ACSM2A: variants seen among roughly 807,000 people sequenced by gnomAD.
ACSM2A encodes the protein acyl-CoA synthetase medium chain family member 2A, also known as acyl-coenzyme A synthetase ACSM2A, mitochondrial.
Under a neutral mutation model 76.6 loss-of-function variants are expected in ACSM2A, and 72 were observed. The observed-to-expected ratio is 0.94, with a 90% confidence interval of 0.78 to 1.14. ACSM2A has a LOEUF of 1.14. Among genes scored for constraint, ACSM2A ranks in the 50% most tolerant of loss-of-function variants. The pLI is 0.00. For missense variants in ACSM2A, 684 were observed against 708.5 expected (o/e 0.97, Z 0.39); for synonymous variants, 249 against 255.9 (o/e 0.97, Z 0.26).
At chr16:20,473,576 T>C (rs1286313572) in intron 6 of ACSM2A, among the ~76,000 whole-genome samples, 1 of 152,220 alleles carries the variant, frequency 6.6e-6, no homozygotes, top group Admixed American at 6.5e-5. Context: ...TCATTTTTTC[T>C]AGACCTTTTG....
rs1297770211 is a variant in ACSM2A at position 20,481,239 on chromosome 16, A to T, written c.1509+318A>T. 3 of 354,306 alleles carry T rather than the reference A, an allele frequency of 8.5e-6. No individual in the cohort carries two copies. In the East Asian group the frequency reaches 1.7e-4, roughly 20 times the overall value. 21.9% of individuals were successfully genotyped at this position (354,306 alleles called of 1,614,324 possible). A position where few individuals can be genotyped will look rare whatever the true frequency, so the allele number is the denominator to read the frequency against. ...ACTACTGGGTATTTATCCAAAGGAA[A>T]AGAAATCAGCATATCAAGAAGATGT... On this transcript the variant is annotated intron_variant, in intron 12 of 13. Coordinates refer to ENST00000573854, the MANE Select transcript of ACSM2A (RefSeq NM_001308172.2).
chr16:20,474,098 T>A (rs2013580085), intron 6 of ACSM2A: 2 of 444,876 alleles, frequency 4.5e-6, no homozygotes, highest in South Asian at 3.2e-5. Context: ...GTCTTATGTC[T>A]CCCTAAAATG....
intron 1 of ACSM2A, among the ~76,000 whole-genome samples, chr16:20,458,590 T>G (rs1047163499): frequency 6.9e-6 from 1 of 143,964 alleles, no homozygotes; most frequent in South Asian, 2.1e-4. Context: ...ATATAGTATA[T>G]ATATTTTTTA....
intron 13 of ACSM2A, among the ~76,000 whole-genome samples, chr16:20,483,628 GA>G (rs1194594395): frequency 1.3e-5 from 1 of 79,746 alleles, no homozygotes; most frequent in Admixed American, 1.5e-4. Context: ...AGAAAGCCCA[GA>G]AAGACAATCT....
At chr16:20,482,830 T>C in intron 12 of ACSM2A, 1 of 486,300 alleles carries the variant, frequency 2.1e-6, no homozygotes, top group Non-Finnish European at 3.5e-6. Flanking sequence ...GAGTATGAGG[T>C]GAGCCTAGTC....
rs924006718 is a variant in ACSM2A at position 20,468,809 on chromosome 16, G to A, written c.389-703G>A. 2.6e-5 allele frequency among the ~76,000 whole-genome samples: 4 copies of A among 152,174 alleles called. No individual in the cohort carries two copies. The East Asian group carries it at 7.7e-4, about 29-fold the overall frequency. ...TAAGTCTAATGTTTTAAGATAAATT[G>A]TACAGCATGCTAAACACAGCTAATA... is the stretch of plus-strand genomic sequence containing the variant. On this transcript the variant is annotated intron_variant, in intron 3 of 13. Transcript: ENST00000573854.
chr16:20,452,917 C>G (rs74540229), intron 1 of ACSM2A, among the ~76,000 whole-genome samples: 10,395 of 151,658 alleles, frequency 0.069, 177 homozygotes, highest in East Asian at 0.16. Context: ...ATACATCATA[C>G]CTTTGACCAT....
intron 2 of ACSM2A, among the ~76,000 whole-genome samples, chr16:20,462,708 C>A (rs1430719274): frequency 6.6e-6 from 1 of 151,968 alleles, no homozygotes; most frequent in Non-Finnish European, 1.5e-5. Flanking sequence ...GAAATTAGAA[C>A]CCTTATGCAT....
chr16:20,480,065 C>G (rs2013995526), intron 10 of ACSM2A, among the ~76,000 whole-genome samples: 1 of 152,190 alleles, frequency 6.6e-6, no homozygotes. Context: ...CAAGCCTTTT[C>G]ATTGCTTATA....
At chr16:20,470,016 C>A (rs2013287147) in intron 4 of ACSM2A, among the ~76,000 whole-genome samples, 2 of 151,520 alleles carry the variant, frequency 1.3e-5, no homozygotes. Flanking sequence ...AGCATCTGGT[C>A]CCCACAGGTT....
At position 20,477,196 on chromosome 16, in the gene ACSM2A, A is replaced by T; in HGVS notation, c.1099-173A>T. ...GAACTAACAATTTAGCGAAGCCCCT[A>T]GGATTGTGGTTCCAGTAATGGGGAG... On this transcript the variant is annotated intron_variant, in intron 8 of 13. Transcript: ENST00000573854. The T allele has an allele frequency of 1.6e-6, 2 of 1,223,974 alleles. 1 individual carries two copies. Among genetic ancestry groups the T allele is most frequent in the Non-Finnish European group, 2.2e-6 (2 of 924,712 alleles). 75.8% of individuals were successfully genotyped at this position (1,223,974 alleles called of 1,614,324 possible).
intron 8 of ACSM2A, 31 bp downstream of exon 8, chr16:20,475,804 G>A: frequency 6.2e-7 from 1 of 1,607,246 alleles, no homozygotes; most frequent in South Asian, 1.1e-5. Flanking sequence ...CATGGGCTGT[G>A]TGCACTTTTT....
At chr16:20,483,948 T>C (rs12922366) in intron 13 of ACSM2A, among the ~76,000 whole-genome samples, 7,354 of 148,766 alleles carry the variant, frequency 0.049, 559 homozygotes, top group African/African-American at 0.16. Flanking sequence ...TTTGTAGTGG[T>C]TTGATTTCTT....
chr16:20,480,437 G>T, intron 10 of ACSM2A, 136 bp from the exon 11 acceptor site: 1 of 1,459,550 alleles, frequency 6.9e-7, no homozygotes. Flanking sequence ...CTGGTTCAGG[G>T]CATGTCTGCC....
chr16:20,460,276 G>A lies in ACSM2A; in HGVS notation c.162G>A (p.Trp54Ter). 1.9e-6 allele frequency: 3 copies of A among 1,613,674 alleles called. No homozygotes were observed. Among genetic ancestry groups the A allele is most frequent in the South Asian group, 2.2e-5 (2 of 91,054 alleles). The change falls in exon 2 of 14, where the codon TGG becomes TGA. Residue 54 changes from tryptophan to a stop codon, truncating the protein, a stop_gained. Transcript: ENST00000573854. LOFTEE classifies it high-confidence loss of function. ...TTGCTAGTGATGTGTTGGATCACTG[G>A]GCTGACATGGAGAAGGTAATGGGGT... ...FNFASDVLDH[W>*]ADMEKAGKRL...
At chr16:20,475,217 T>C (rs1403607807) in intron 6 of ACSM2A, 145 bp from the exon 7 acceptor site, 3 of 1,537,620 alleles carry the variant, frequency 2.0e-6, no homozygotes, top group East Asian at 4.8e-5. Flanking sequence ...TGGGGCTCAT[T>C]TAACCTGAAT....
At chr16:20,472,249 C>T (rs1184745624) in intron 6 of ACSM2A, among the ~76,000 whole-genome samples, 2 of 152,140 alleles carry the variant, frequency 1.3e-5, no homozygotes, top group African/African-American at 2.4e-5. Context: ...AAATAACAGA[C>T]ATTTACTTCT....
rs1395824225 is a variant in ACSM2A, at chr16:20,465,592, G to C, written c.253G>C (p.Glu85Gln). ...GAAGGAATTAATGTGGAATTTCAGA[G>C]AACTGAGTGAAAACAGCCAGCAGGC... is the stretch of plus-strand genomic sequence containing the variant. ...KGKELMWNFR[E>Q]LSENSQQAAN... The change falls in exon 3 of 14, where the codon GAA (glutamate) becomes CAA (glutamine). Residue 85 changes from glutamate (E) to glutamine (Q), a missense_variant. By Grantham distance (29) the Glu-to-Gln change is conservative (BLOSUM62 2). Coordinates refer to ENST00000573854, the MANE Select transcript of ACSM2A (RefSeq NM_001308172.2). The C allele has an allele frequency of 4.3e-6, 7 of 1,613,868 alleles. No homozygotes were observed. The Admixed American group carries it at 5.0e-5, about 12-fold the overall frequency.
At chr16:20,455,461 C>T (rs1311505337) in intron 1 of ACSM2A, among the ~76,000 whole-genome samples, 1 of 151,108 alleles carries the variant, frequency 6.6e-6, no homozygotes, top group East Asian at 2.0e-4. Context: ...AGCAGAAATC[C>T]TACAAGCTAG....
Sources: allele counts gnomAD v4.1 joint callset (sites outside exome capture counted in the v4.1 genomes callset), GRCh38; gene constraint gnomAD v4.1.1; transcripts MANE v1.5; gene names NCBI Gene and HGNC (gene_info 2026-07-23, HGNC 2026-07-21).